PIK3C2G: variants seen among roughly 807,000 people sequenced by gnomAD.
PIK3C2G encodes the protein phosphatidylinositol 3-kinase C2 domain-containing subunit gamma.
Under a neutral mutation model 181.1 loss-of-function variants are expected in PIK3C2G, and 168 were observed. The observed-to-expected ratio is 0.93, with a 90% CI of 0.82 to 1.05. PIK3C2G has a LOEUF of 1.05. Among genes scored for constraint, PIK3C2G ranks in the 50% least tolerant of loss-of-function variants. The probability of loss-of-function intolerance (pLI) is 0.00; values close to 1 mark genes in which losing one functional copy is unlikely to be tolerated. For missense variants in PIK3C2G, 1,869 were observed against 1,732.8 expected (o/e 1.08, Z -1.40); for synonymous variants, 573 against 592.2 (o/e 0.97, Z 0.47).
At chr12:18,666,648 A>G in the PIK3C2G span, among the ~76,000 whole-genome samples, 1 of 152,212 alleles carries the variant, frequency 6.6e-6, no homozygotes, top group African/African-American at 2.4e-5. Context: ...TTTCAATAGG[A>G]AAAAGTACTA....
chr12:18,661,336 G>A, the PIK3C2G span, among the ~76,000 whole-genome samples: 8 of 117,624 alleles, frequency 6.8e-5, no homozygotes, highest in East Asian at 1.0e-3. Flanking sequence ...AGAAAGACCC[G>A]TACCAAGACA....
At chr12:18,631,839 C>A (rs948055131) in intron 31 of PIK3C2G, among the ~76,000 whole-genome samples, 2 of 152,052 alleles carry the variant, frequency 1.3e-5, no homozygotes, top group African/African-American at 2.4e-5. Flanking sequence ...AAGATAGATT[C>A]AGATTGAAGT....
intron 24 of PIK3C2G, among the ~76,000 whole-genome samples, chr12:18,526,729 C>A (rs1292008812): frequency 1.3e-5 from 2 of 152,116 alleles, no homozygotes; most frequent in Non-Finnish European, 2.9e-5. Context: ...CATTCCTAGG[C>A]AAACTACACC....
intron 6 of PIK3C2G, among the ~76,000 whole-genome samples, chr12:18,319,617 T>C (rs1951018495): frequency 6.6e-6 from 1 of 152,176 alleles, no homozygotes; most frequent in Admixed American, 6.5e-5. Flanking sequence ...AATAAATTGG[T>C]TTTTAAATGA....
chr12:18,293,567 G>C (rs527332298), intron 4 of PIK3C2G, among the ~76,000 whole-genome samples: 1 of 152,130 alleles, frequency 6.6e-6, no homozygotes, highest in Admixed American at 6.6e-5. Flanking sequence ...CCAAGTTCCT[G>C]AGTGTATTTC....
the PIK3C2G span, among the ~76,000 whole-genome samples, chr12:18,668,049 A>G: frequency 1.4e-4 from 21 of 152,192 alleles, no homozygotes; most frequent in Non-Finnish European, 2.6e-4. Flanking sequence ...GATTTCTGAT[A>G]CAGTCAAAGT....
rs115582954 is a variant in PIK3C2G at position 18,588,639 on chromosome 12, G to T, written c.4012-5855G>T. Among the ~76,000 whole-genome samples the T allele has an allele frequency of 5.9e-3, 904 of 152,254 alleles. 7 individuals are homozygous for T. The highest frequency in any genetic ancestry group is 0.021 in the African/African-American group (868 of 41,554). ...GAAAAAGGAATGCTTATACACTGTT[G>T]TTGGGAGTGTAAATTAGTCCAGCCC... On this transcript the variant is annotated intron_variant, in intron 29 of 32. Coordinates refer to ENST00000538779, the MANE Select transcript of PIK3C2G (RefSeq NM_001288772.2).
chr12:18,571,914 A>G (rs1017144255), intron 29 of PIK3C2G, among the ~76,000 whole-genome samples: 1 of 150,744 alleles, frequency 6.6e-6, no homozygotes, highest in South Asian at 2.1e-4. Context: ...CTATCACCTA[A>G]TGCTTTTTCT....
intron 1 of PIK3C2G, among the ~76,000 whole-genome samples, chr12:18,265,830 A>G (rs1565532759): frequency 6.6e-6 from 1 of 151,970 alleles, no homozygotes; most frequent in Non-Finnish European, 1.5e-5. Context: ...CCTGGCCAAC[A>G]TGATGAAACC....
chr12:18,491,883 T>C (rs1266674255), intron 20 of PIK3C2G, among the ~76,000 whole-genome samples: 2 of 152,136 alleles, frequency 1.3e-5, no homozygotes, highest in African/African-American at 4.8e-5. Flanking sequence ...GGTGACCCCA[T>C]GCAGGCTGGG....
At chr12:18,627,019 G>C (rs182423998) in intron 31 of PIK3C2G, among the ~76,000 whole-genome samples, 105 of 151,116 alleles carry the variant, frequency 6.9e-4, no homozygotes, top group African/African-American at 2.4e-3. Context: ...TCATGGCTTG[G>C]GTCTCTTGAT....
At chr12:18,399,009 A>C (rs920006197) in intron 15 of PIK3C2G, among the ~76,000 whole-genome samples, 1 of 151,156 alleles carries the variant, frequency 6.6e-6, no homozygotes, top group East Asian at 2.0e-4. Context: ...TCCCGGCTAA[A>C]ACGGTGAAAC....
At position 18,546,333 on chromosome 12, in the gene PIK3C2G, C is replaced by A; in HGVS notation, c.3491C>A (p.Ala1164Glu). 6.3e-7 allele frequency: 1 copy of A among 1,578,240 alleles called. No homozygotes were observed. The highest frequency in any genetic ancestry group is 8.7e-7 in the Non-Finnish European group (1 of 1,154,192). The change falls in exon 26 of 33, where the codon GCA becomes GAA. Residue 1164 changes from alanine to glutamate, a missense_variant. Transcript: ENST00000538779. ...LLNLLEMMLY[A>E]GLPELSGIQD... ...CTTGTTGTGGTTAAGATGCTGTATG[C>A]AGGACTGCCTGAGCTAAGTGGAATT...
At chr12:18,491,951 A>C (rs1940613618) in intron 20 of PIK3C2G, among the ~76,000 whole-genome samples, 1 of 152,204 alleles carries the variant, frequency 6.6e-6, no homozygotes, top group African/African-American at 2.4e-5. Context: ...CACGAACATT[A>C]GTCATTAGCT....
At chr12:18,425,932 T>C (rs1377288328) in intron 18 of PIK3C2G, among the ~76,000 whole-genome samples, 4 of 152,224 alleles carry the variant, frequency 2.6e-5, no homozygotes, top group Non-Finnish European at 5.9e-5. Flanking sequence ...AGAGAACTAA[T>C]TGGATAAATA....
chr12:18,708,331 G>T, the PIK3C2G span, among the ~76,000 whole-genome samples: 4 of 152,040 alleles, frequency 2.6e-5, no homozygotes, highest in Non-Finnish European at 4.4e-5. Context: ...TCATGCTGTG[G>T]TAAATGGAAA....
the PIK3C2G span, among the ~76,000 whole-genome samples, chr12:18,666,036 G>T: frequency 6.6e-6 from 1 of 151,386 alleles, no homozygotes; most frequent in African/African-American, 2.4e-5. Flanking sequence ...ATTTAAACTA[G>T]ATTATTATAA....
chr12:18,500,829 T>C (rs1400451672), intron 22 of PIK3C2G, among the ~76,000 whole-genome samples: 1 of 152,134 alleles, frequency 6.6e-6, no homozygotes, highest in Admixed American at 6.5e-5. Context: ...CAATAAATCC[T>C]GCTGCTGCTC....
At chr12:18,618,823 T>C (rs1301671011) in intron 31 of PIK3C2G, among the ~76,000 whole-genome samples, 1 of 152,070 alleles carries the variant, frequency 6.6e-6, no homozygotes, top group Admixed American at 6.6e-5. Context: ...ATGATAAATC[T>C]TGCTGGATGG....
Sources: allele counts gnomAD v4.1 joint callset (sites outside exome capture counted in the v4.1 genomes callset), GRCh38; gene constraint gnomAD v4.1.1; transcripts MANE v1.5; gene names NCBI Gene and HGNC (gene_info 2026-07-23, HGNC 2026-07-21).